ASTN2: variants seen among roughly 807,000 people sequenced by gnomAD.
The protein encoded by ASTN2 is astrotactin 2.
ASTN2 carries 54 observed loss-of-function variants against 139.8 expected under a neutral mutation model. The ratio of observed to expected loss-of-function variants is 0.39; its 90% CI spans 0.31 to 0.48. ASTN2 has a LOEUF of 0.48. Ranked by LOEUF, ASTN2 falls within the 20% of genes least tolerant of loss-of-function variation. The probability of loss-of-function intolerance (pLI) is 0.95; values close to 1 mark genes in which losing one functional copy is unlikely to be tolerated. For synonymous variants in ASTN2, 756 were observed against 719.5 expected (o/e 1.05, Z -0.81); for missense variants, 1,565 against 1,725.1 (o/e 0.91, Z 1.64).
intron 22 of ASTN2, among the ~76,000 whole-genome samples, chr9:116,426,366 C>A (rs764659062): frequency 6.6e-6 from 1 of 152,132 alleles, no homozygotes; most frequent in Non-Finnish European, 1.5e-5. Context: ...AGGTGACCAG[C>A]CTTGGACTCT....
At position 117,414,794 on chromosome 9, in the gene ASTN2, C is replaced by G; in HGVS notation, c.145G>C (p.Ala49Pro). The G allele has an allele frequency of 8.1e-7, 1 of 1,238,508 alleles. No individual in the cohort carries two copies. Among genetic ancestry groups the G allele is most frequent in the Non-Finnish European group, 1.0e-6 (1 of 990,506 alleles). The allele number at this position is 1,238,508 out of a possible 1,614,324, so 76.7% of individuals were successfully genotyped here. The change falls in exon 1 of 23, where the codon GCC (alanine) becomes CCC (proline). Residue 49 changes from alanine (A) to proline (P), a missense_variant. Coordinates refer to ENST00000313400, the MANE Select transcript of ASTN2 (RefSeq NM_001365068.1). The surrounding 1 kb of genome is among the most constrained non-coding windows in gnomAD (Gnocchi z 4.2). ...LLLLPPPPLL[A>P]GATAAASREP... is the part of the protein sequence containing the mutation. ...CGCGAGGCAGCGGCGGTGGCGCCGG[C>G]CAGCAGCGGCGGCGGCGGCAGCAGG...
At chr9:117,260,131 C>T (rs1193110570) in intron 2 of ASTN2, among the ~76,000 whole-genome samples, 2 of 152,084 alleles carry the variant, frequency 1.3e-5, no homozygotes, top group Admixed American at 1.3e-4. Flanking sequence ...CAGGTACAGC[C>T]TAACGTTGCC....
At chr9:116,935,783 G>A (rs1835050185) in intron 10 of ASTN2, among the ~76,000 whole-genome samples, 1 of 152,110 alleles carries the variant, frequency 6.6e-6, no homozygotes, top group Non-Finnish European at 1.5e-5. Flanking sequence ...CTTGTTTTGA[G>A]CATTAACTAG....
At chr9:116,827,313 C>CAAAAA (rs141242698) in intron 11 of ASTN2, among the ~76,000 whole-genome samples, 37 of 79,452 alleles carry the variant, frequency 4.7e-4, no homozygotes, top group African/African-American at 1.8e-3. Context: ...CCATCCCCCC[C>CAAAAA]AAAAAAAAAA....
chr9:116,957,049 A>AT (rs527429954), intron 10 of ASTN2, among the ~76,000 whole-genome samples: 7,016 of 141,742 alleles, frequency 0.049, 473 homozygotes, highest in African/African-American at 0.16. Flanking sequence ...TTCCCAGTTA[A>AT]TTTTTTTTTT....
intron 19 of ASTN2, among the ~76,000 whole-genome samples, chr9:116,488,121 A>G (rs1849400347): frequency 6.6e-6 from 1 of 152,212 alleles, no homozygotes; most frequent in South Asian, 2.1e-4. Flanking sequence ...TTCACCATGT[A>G]CAGGATGGAA....
rs1319023228 is a variant in ASTN2 at position 116,425,938 on chromosome 9, A to G, written c.3933T>C (p.Tyr1311=). The change falls in exon 23 of 23, where the codon TAT becomes TAC. Residue 1311 remains tyrosine (Y), a synonymous_variant. Coordinates refer to ENST00000313400, the MANE Select transcript of ASTN2 (RefSeq NM_001365068.1). The part of the protein sequence containing the change: ...EEVRPAGMVW[Y]SILKDTKITC... Reference sequence around the variant, plus strand: ...TGATTTTGGTGTCCTTGAGGATGCTATACCACACCATGCCTGCAGGCCGGA... The same window carrying G: ...TGATTTTGGTGTCCTTGAGGATGCTGTACCACACCATGCCTGCAGGCCGGA... 3 of 1,614,010 alleles carry G rather than the reference A, an allele frequency of 1.9e-6. No homozygotes were observed. In the African/African-American group the frequency reaches 4.0e-5, roughly 22 times the overall value.
intron 19 of ASTN2, among the ~76,000 whole-genome samples, chr9:116,579,399 C>T (rs925237426): frequency 1.3e-5 from 2 of 152,088 alleles, no homozygotes; most frequent in Non-Finnish European, 2.9e-5. Flanking sequence ...TTCTCATGAC[C>T]GATGTTATGA....
chr9:116,587,345 TTAAA>T (rs1854200041), intron 19 of ASTN2, among the ~76,000 whole-genome samples: 2 of 83,296 alleles, frequency 2.4e-5, no homozygotes, highest in Non-Finnish European at 4.5e-5. Flanking sequence ...CATCTCAAAT[TTAAA>T]AAAAAAAAAA....
chr9:117,213,961 T>C (rs1832224575), intron 3 of ASTN2, among the ~76,000 whole-genome samples: 1 of 152,220 alleles, frequency 6.6e-6, no homozygotes, highest in Non-Finnish European at 1.5e-5. Flanking sequence ...ACTTTCCTTT[T>C]GGACATGGGG....
intron 7 of ASTN2, among the ~76,000 whole-genome samples, chr9:116,996,275 T>G (rs1837012653): frequency 1.3e-5 from 2 of 152,166 alleles, no homozygotes; most frequent in African/African-American, 4.8e-5. Context: ...ATTGGCAGTA[T>G]TTTTTCTTAG....
At chr9:116,588,321 G>A (rs1588043607) in intron 19 of ASTN2, among the ~76,000 whole-genome samples, 1 of 152,292 alleles carries the variant, frequency 6.6e-6, no homozygotes. Context: ...TTGTTTCACT[G>A]TCTCTTGGAA....
At chr9:117,382,181 T>C (rs1830291314) in intron 1 of ASTN2, among the ~76,000 whole-genome samples, 1 of 151,998 alleles carries the variant, frequency 6.6e-6, no homozygotes, top group Non-Finnish European at 1.5e-5. Context: ...GTGTAGAGGG[T>C]GCCCAGTTGT....
intron 19 of ASTN2, among the ~76,000 whole-genome samples, chr9:116,603,457 A>G (rs1855017670): frequency 6.6e-6 from 1 of 152,220 alleles, no homozygotes; most frequent in African/African-American, 2.4e-5. Context: ...GTCACTGGAG[A>G]TGAGCAGATC....
chr9:117,042,791 C>A (rs188574961), intron 5 of ASTN2, among the ~76,000 whole-genome samples: 1 of 152,128 alleles, frequency 6.6e-6, no homozygotes, highest in African/African-American at 2.4e-5. Flanking sequence ...CCTATTACCC[C>A]ACCCTAATCA....
Position 116,863,718 on chromosome 9 carries a change from C to T in ASTN2, c.1905G>A (p.Leu635=), listed in dbSNP as rs1394697760. Residue 635 remains leucine (L), a synonymous_variant, in exon 11 of 23, where the codon CTG becomes CTA. Transcript: ENST00000313400. Reference sequence around the variant, plus strand: ...CATTGATGGTTTCAAAGTATGTGGACAGCATCGCTTCTTCCCTTGGAGAGA... The same window carrying T: ...CATTGATGGTTTCAAAGTATGTGGATAGCATCGCTTCTTCCCTTGGAGAGA... ...DPADVREEAM[L]STYFETINDL... 1 of 1,613,558 alleles carries T rather than the reference C, an allele frequency of 6.2e-7. No individual in the cohort carries two copies.
intron 1 of ASTN2, among the ~76,000 whole-genome samples, chr9:117,297,542 G>A (rs1422579802): frequency 6.6e-6 from 1 of 152,304 alleles, no homozygotes; most frequent in Non-Finnish European, 1.5e-5. Flanking sequence ...TACTCAGGAA[G>A]GTCAATGAGA....
At position 117,414,459 on chromosome 9, in the gene ASTN2, T is replaced by G; in HGVS notation, c.442+38A>C. The G allele has an allele frequency of 6.2e-7, 1 of 1,601,026 alleles. No homozygotes were observed. Among genetic ancestry groups the G allele is most frequent in the Non-Finnish European group, 8.5e-7 (1 of 1,174,158 alleles). ...TCCGGCATGACGCAGGGGCTCGGGG[T>G]TCCTTGGGATCTAGCGCGTGCCGGC... is the stretch of plus-strand genomic sequence containing the variant. On this transcript the variant is annotated intron_variant, in intron 1 of 22. Coordinates refer to ENST00000313400, the MANE Select transcript of ASTN2 (RefSeq NM_001365068.1). The surrounding 1 kb of genome is among the most constrained non-coding windows in gnomAD (Gnocchi z 4.2).
intron 13 of ASTN2, among the ~76,000 whole-genome samples, chr9:116,803,902 G>C (rs1322172499): frequency 6.6e-6 from 1 of 151,698 alleles, no homozygotes; most frequent in Non-Finnish European, 1.5e-5. Context: ...CTGGGCTCAA[G>C]TGATCCTCCC....
Sources: gnomAD v4.1 joint callset for allele counts (sites outside exome capture counted in the v4.1 genomes callset) on GRCh38, gnomAD v4.1.1 for gene constraint, Gnocchi (gnomAD v3.1) non-coding constraint, MANE v1.5 for transcripts, NCBI Gene and HGNC (gene_info 2026-07-23, HGNC 2026-07-21) for gene names.